The following SRPX variants were observed in gnomAD, a reference collection of about 807,000 sequenced individuals.
SRPX encodes sushi repeat containing protein X-linked.
Under a neutral mutation model 38.1 loss-of-function variants are expected in SRPX, and 24 were observed. The observed-to-expected ratio is 0.63, with a 90% CI of 0.46 to 0.89. The LOEUF (loss-of-function observed/expected upper bound fraction) is 0.89. Among genes scored for constraint, SRPX ranks in the 40% least tolerant of loss-of-function variants. The pLI is 0.00. For missense variants in SRPX, 416 were observed against 377.8 expected, an observed-to-expected ratio of 1.10 and a Z score of -0.84; for synonymous variants, 184 against 153.8, an observed-to-expected ratio of 1.20 and a Z score of -1.45.
intron 1 of SRPX, among the ~76,000 whole-genome samples, chrX:38,195,382 GTTTT>G (rs10710053): frequency 8.2e-4 from 72 of 87,940 alleles, no homozygotes; most frequent in African/African-American, 3.0e-3. Context: ...GGTGTTTGTG[GTTTT>G]TTTTTTTTTT....
chrX:38,161,126 C>T, intron 5 of SRPX, 72 bp from the exon 6 acceptor site: 2 of 1,131,590 alleles, frequency 1.8e-6, no homozygotes. Context: ...ATCCCCTACT[C>T]TTTACAGGAC....
chrX:38,207,505 A>G (rs753866687), intron 1 of SRPX, among the ~76,000 whole-genome samples: 140 of 112,667 alleles, frequency 1.2e-3, no homozygotes, highest in African/African-American at 4.2e-3. Flanking sequence ...ACAGTGGAAC[A>G]AAAGCAATTT....
chrX:38,177,455 T>C (rs1380466299), intron 2 of SRPX, among the ~76,000 whole-genome samples: 1 of 110,847 alleles, frequency 9.0e-6, no homozygotes, highest in East Asian at 2.8e-4. Flanking sequence ...CTCCTGTATC[T>C]GAGACACATC....
intron 1 of SRPX, among the ~76,000 whole-genome samples, chrX:38,202,063 C>G (rs1184386247): frequency 8.9e-6 from 1 of 111,905 alleles, no homozygotes; most frequent in Admixed American, 9.5e-5. Flanking sequence ...ACCCAGCCCC[C>G]ATATAACCCT....
chrX:38,152,568 G>A (rs1455410112), intron 9 of SRPX, among the ~76,000 whole-genome samples: 2 of 111,916 alleles, frequency 1.8e-5, no homozygotes, highest in African/African-American at 6.5e-5. Context: ...GCCCTCCAGG[G>A]GATTCTGATG....
At chrX:38,166,108 A>G (rs1162470901) in intron 4 of SRPX, among the ~76,000 whole-genome samples, 4 of 112,679 alleles carry the variant, frequency 3.5e-5, no homozygotes, top group Non-Finnish European at 7.5e-5. Context: ...GTTACTTTAC[A>G]TATCAACTGA....
intron 1 of SRPX, among the ~76,000 whole-genome samples, chrX:38,216,449 A>G (rs186453441): frequency 1.8e-5 from 2 of 112,905 alleles, no homozygotes; most frequent in Non-Finnish European, 3.7e-5. Flanking sequence ...AACTGATTCT[A>G]TTTCAGAACT....
intron 1 of SRPX, among the ~76,000 whole-genome samples, chrX:38,190,763 C>T (rs2147110347): frequency 8.9e-6 from 1 of 111,831 alleles, no homozygotes; most frequent in African/African-American, 3.3e-5. Flanking sequence ...CTAGCACTTC[C>T]TAGGTGTGAT....
At chrX:38,151,661 G>C (rs962946197) in intron 9 of SRPX, among the ~76,000 whole-genome samples, 4 of 111,209 alleles carry the variant, frequency 3.6e-5, no homozygotes, top group African/African-American at 1.3e-4. Context: ...GCAGCCACAG[G>C]AATGCATCCC....
At position 38,185,898 on chromosome X, in the gene SRPX, A is replaced by G. The variant is rs12559055; in HGVS notation, c.98-7554T>C. Among the ~76,000 whole-genome samples, 733 of 81,929 alleles carry G rather than the reference A, an allele frequency of 8.9e-3. 22 individuals carry two copies. The highest frequency in any genetic ancestry group is 0.076 in the East Asian group (150 of 1,971). 71.1% of individuals were successfully genotyped at this position (81,929 alleles called of 115,157 possible). The stretch of plus-strand genomic sequence containing the variant: ...TGCTATTTTTCTAAAAAAAAAAAAA[A>G]GGGGGGGGGGAGTGAGTATATTTTG... On this transcript the variant is annotated intron_variant, in intron 1 of 9. Transcript: ENST00000378533.
chrX:38,167,825 A>C (rs1322995891), intron 4 of SRPX, among the ~76,000 whole-genome samples: 1 of 111,947 alleles, frequency 8.9e-6, no homozygotes, highest in Non-Finnish European at 1.9e-5. Flanking sequence ...CAGTGGCACA[A>C]TATCGGCTCA....
intron 8 of SRPX, among the ~76,000 whole-genome samples, chrX:38,156,215 G>A (rs1405343816): frequency 3.6e-5 from 4 of 111,838 alleles, no homozygotes; most frequent in African/African-American, 1.3e-4. Context: ...GCAATTTCTA[G>A]TTTGATCCTT....
chrX:38,192,278 T>C (rs752713585), intron 1 of SRPX, among the ~76,000 whole-genome samples: 1 of 111,753 alleles, frequency 8.9e-6, no homozygotes, highest in Non-Finnish European at 1.9e-5. Flanking sequence ...GGAAACCACA[T>C]TATCAGTGGT....
At chrX:38,195,660 C>T (rs962521256) in intron 1 of SRPX, among the ~76,000 whole-genome samples, 3 of 111,521 alleles carry the variant, frequency 2.7e-5, no homozygotes, top group Non-Finnish European at 5.6e-5. Context: ...CTGATGCACA[C>T]GCCAGCCTCA....
intron 9 of SRPX, among the ~76,000 whole-genome samples, chrX:38,153,478 C>T (rs986663701): frequency 1.8e-5 from 2 of 110,286 alleles, no homozygotes; most frequent in African/African-American, 6.6e-5. Flanking sequence ...ATGTTTCTAT[C>T]ATATAACCTC....
intron 1 of SRPX, among the ~76,000 whole-genome samples, chrX:38,205,503 A>G (rs760803014): frequency 1.8e-5 from 2 of 111,854 alleles, no homozygotes; most frequent in African/African-American, 3.3e-5. Flanking sequence ...AAAATTTATC[A>G]ATTATACCTT....
chrX:38,213,433 G>C (rs1939370911), intron 1 of SRPX, among the ~76,000 whole-genome samples: 2 of 111,660 alleles, frequency 1.8e-5, no homozygotes, highest in Non-Finnish European at 3.8e-5. Context: ...GTATAGAGAG[G>C]AAGCATTTGG....
intron 5 of SRPX, among the ~76,000 whole-genome samples, chrX:38,162,608 G>A (rs1048558605): frequency 8.9e-6 from 1 of 112,435 alleles, no homozygotes; most frequent in Non-Finnish European, 1.9e-5. Context: ...GAGGTCAGGA[G>A]TGCAAGACCA....
chrX:38,210,285 G>A (rs1469921686), intron 1 of SRPX, among the ~76,000 whole-genome samples: 1 of 111,978 alleles, frequency 8.9e-6, no homozygotes, highest in African/African-American at 3.3e-5. Flanking sequence ...ACCCCACTTT[G>A]AGATTCTGTG....
Sources: gnomAD v4.1 joint callset for allele counts (sites outside exome capture counted in the v4.1 genomes callset) on GRCh38, gnomAD v4.1.1 for gene constraint, MANE v1.5 for transcripts, NCBI Gene and HGNC (gene_info 2026-07-23, HGNC 2026-07-21) for gene names.